PPA1: variants seen among roughly 807,000 people sequenced by gnomAD.
PPA1 encodes the protein inorganic pyrophosphatase.
A neutral mutation model predicts 41.8 loss-of-function variants in PPA1; 23 were observed. The observed-to-expected ratio is 0.55, with a 90% confidence interval of 0.40 to 0.78. The LOEUF (loss-of-function observed/expected upper bound fraction) is 0.78, where lower values mean the gene tolerates loss of function less well. Among genes scored for constraint, PPA1 ranks in the 30% least tolerant of loss-of-function variants. The probability of loss-of-function intolerance (pLI) is 0.00; values close to 1 mark genes in which losing one functional copy is unlikely to be tolerated. For missense variants in PPA1, 320 were observed against 361.6 expected, an observed-to-expected ratio of 0.89 and a Z score of 0.93; for synonymous variants, 101 against 116.8, an observed-to-expected ratio of 0.86 and a Z score of 0.87.
intron 2 of PPA1, 137 bp downstream of exon 2, chr10:70,230,204 C>T: frequency 2.9e-6 from 3 of 1,039,438 alleles, no homozygotes; most frequent in Non-Finnish European, 4.2e-6. Context: ...CCACCACGCC[C>T]AGCCTAATCA....
At chr10:70,223,971 TA>T (rs1210319091) in intron 2 of PPA1, among the ~76,000 whole-genome samples, 1 of 152,180 alleles carries the variant, frequency 6.6e-6, no homozygotes, top group African/African-American at 2.4e-5. Flanking sequence ...AGCTCTCTGT[TA>T]ACAGTTTCAG....
At chr10:70,225,253 T>A (rs1218802415) in intron 2 of PPA1, among the ~76,000 whole-genome samples, 2 of 152,068 alleles carry the variant, frequency 1.3e-5, no homozygotes, top group African/African-American at 4.8e-5. Flanking sequence ...GAGTCTCACC[T>A]GTCACCCAGG....
chr10:70,219,228 T>A (rs1029618761), intron 2 of PPA1, among the ~76,000 whole-genome samples: 1 of 152,054 alleles, frequency 6.6e-6, no homozygotes, highest in African/African-American at 2.4e-5. Context: ...TCTTTTAACT[T>A]TTCTGTATGC....
chr10:70,218,637 T>C (rs1216798725), intron 3 of PPA1, 127 bp downstream of exon 3: 8 of 722,978 alleles, frequency 1.1e-5, no homozygotes, highest in Non-Finnish European at 1.9e-5. Flanking sequence ...GAGATACAAC[T>C]AGAAAATAGA....
chr10:70,204,584 T>A (rs901411830), intron 10 of PPA1: 1 of 295,274 alleles, frequency 3.4e-6, no homozygotes, highest in Non-Finnish European at 6.2e-6. Flanking sequence ...ACAAAAGGAA[T>A]AAGCTTTAGT....
rs1840214863 is a variant in PPA1, at chr10:70,225,168, C to G, written c.123+5173G>C. Reference sequence around the variant, plus strand: ...ATAACTTCAGAAATCTAGTAAATACCAGGCTTAGAAAGAAACACAAAAATC... The same window carrying G: ...ATAACTTCAGAAATCTAGTAAATACGAGGCTTAGAAAGAAACACAAAAATC... On this transcript the variant is annotated intron_variant, in intron 2 of 10. Transcript: ENST00000373232. 2.0e-5 allele frequency among the ~76,000 whole-genome samples: 3 copies of G among 152,140 alleles called. No individual in the cohort carries two copies. The South Asian group carries it at 6.2e-4, about 32-fold the overall frequency.
intron 2 of PPA1, among the ~76,000 whole-genome samples, chr10:70,221,841 A>G (rs1840173634): frequency 6.6e-6 from 1 of 152,250 alleles, no homozygotes; most frequent in Admixed American, 6.5e-5. Context: ...TAACTAATTC[A>G]AAGTTTAGAA....
rs1408891515 is a variant in PPA1, at chr10:70,204,868, C to G, written c.838+5G>C. 4.4e-6 allele frequency: 7 copies of G among 1,582,472 alleles called. No individual in the cohort carries two copies. The highest frequency in any genetic ancestry group is 8.6e-7 in the Non-Finnish European group (1 of 1,160,654). On this transcript the variant is annotated splice_donor_5th_base_variant and intron_variant, in intron 10 of 10. Transcript: ENST00000373232. ...AATGAAATTTTACTGGAATAGAAAT[C>G]TTACCGTCTGTTGGTACTGTGCAGG...
At chr10:70,211,309 A>C (rs1422671485) in intron 6 of PPA1, among the ~76,000 whole-genome samples, 1 of 152,204 alleles carries the variant, frequency 6.6e-6, no homozygotes, top group African/African-American at 2.4e-5. Flanking sequence ...TCAGACACCA[A>C]CTGAGTGCTC....
chr10:70,214,682 T>C (rs530062500), intron 4 of PPA1, 96 bp from the exon 5 acceptor site: 1 of 927,266 alleles, frequency 1.1e-6, no homozygotes, highest in Non-Finnish European at 1.6e-6. Flanking sequence ...CTTCAGCTAC[T>C]TTTTTCTCAT....
intron 8 of PPA1, among the ~76,000 whole-genome samples, chr10:70,207,984 G>T (rs906456841): frequency 2.6e-5 from 4 of 152,124 alleles, no homozygotes; most frequent in Non-Finnish European, 5.9e-5. Context: ...TGAGTCAGAG[G>T]TTCGAGACCA....
chr10:70,207,865 T>C (rs1839964533), intron 8 of PPA1, among the ~76,000 whole-genome samples: 2 of 152,288 alleles, frequency 1.3e-5, no homozygotes, highest in South Asian at 4.1e-4. Context: ...ATATTAGTCA[T>C]TATAGTACTA....
chr10:70,223,751 G>A (rs1394910403), intron 2 of PPA1, among the ~76,000 whole-genome samples: 1 of 152,012 alleles, frequency 6.6e-6, no homozygotes, highest in Non-Finnish European at 1.5e-5. Flanking sequence ...CAATATTCAC[G>A]CACTTAAAAA....
At chr10:70,219,084 A>G (rs193207479) in intron 2 of PPA1, among the ~76,000 whole-genome samples, 2 of 152,264 alleles carry the variant, frequency 1.3e-5, no homozygotes, top group East Asian at 3.9e-4. Flanking sequence ...TAAATTTTTT[A>G]TAGAGGCAAG....
intron 8 of PPA1, 72 bp downstream of exon 8, chr10:70,209,133 T>G: frequency 8.9e-7 from 1 of 1,124,694 alleles, no homozygotes; most frequent in Middle Eastern, 2.0e-4. Flanking sequence ...GTACAGTGTC[T>G]TATGATTATT....
intron 2 of PPA1, among the ~76,000 whole-genome samples, chr10:70,229,631 A>G (rs972322511): frequency 1.3e-5 from 2 of 152,102 alleles, no homozygotes; most frequent in Admixed American, 6.6e-5. Flanking sequence ...CCGTTACTAA[A>G]TTTTCCTATA....
In PPA1 at chr10:70,206,344, A is replaced by C. The variant is rs371989344; in HGVS notation, c.726-11T>G. ...AAAGTTGTATTCATGCTATTAAATA[A>C]AACAAAAGTAGTCATAAGACAAAAT... On this transcript the variant is annotated splice_polypyrimidine_tract_variant and intron_variant, in intron 8 of 10. Transcript: ENST00000373232. 2.5e-6 allele frequency: 4 copies of C among 1,596,800 alleles called. No individual in the cohort carries two copies. Among genetic ancestry groups the C allele is most frequent in the Non-Finnish European group, 3.4e-6 (4 of 1,164,756 alleles).
chr10:70,209,438 C>T (rs1389124775), intron 7 of PPA1, 120 bp downstream of exon 7: 8 of 1,355,264 alleles, frequency 5.9e-6, no homozygotes, highest in African/African-American at 2.9e-5. Flanking sequence ...TAAATAAACA[C>T]CAAGACTGTG....
rs1009127393 is a variant in PPA1 at position 70,214,570 on chromosome 10, C to A, written c.314G>T (p.Gly105Val). ...GAIPQTWEDP[G>V]HNDKHTGCCG... is the part of the protein sequence containing the mutation. Reference sequence around the variant, plus strand: ...ACAGCCAGTATGTTTATCATTGTGCCCTGGGTCTTCCCAAGTCTAAAAATA... The same window carrying A: ...ACAGCCAGTATGTTTATCATTGTGCACTGGGTCTTCCCAAGTCTAAAAATA... The change falls in exon 5 of 11, where the codon GGG becomes GTG. Residue 105 changes from glycine to valine, a missense_variant. Physicochemically the swap from Gly to Val is moderately radical, Grantham distance 109 (BLOSUM62 -3). Coordinates refer to ENST00000373232, the MANE Select transcript of PPA1 (RefSeq NM_021129.4). The A allele has an allele frequency of 1.2e-6, 2 of 1,613,020 alleles. No individual in the cohort carries two copies. Among genetic ancestry groups the A allele is most frequent in the African/African-American group, 1.3e-5 (1 of 74,862 alleles).
Sources: gnomAD v4.1 joint callset for allele counts (sites outside exome capture counted in the v4.1 genomes callset) on GRCh38, gnomAD v4.1.1 for gene constraint, MANE v1.5 for transcripts, NCBI Gene and HGNC (gene_info 2026-07-23, HGNC 2026-07-21) for gene names.